The following IMPG1 variants were observed in gnomAD, a reference collection of about 807,000 sequenced individuals.
The protein encoded by IMPG1 is interphotoreceptor matrix proteoglycan of 150 kDa.
In IMPG1, 85 loss-of-function variants were observed where a neutral mutation model predicts 92.0. That is an observed-to-expected ratio of 0.92 (90% CI 0.78 to 1.11). The LOEUF is 1.11. IMPG1 is among the 50% of genes least tolerant of loss of function. The pLI, the probability that IMPG1 is intolerant of heterozygous loss-of-function variation, is 0.00. For synonymous variants in IMPG1, 367 were observed against 334.1 expected (o/e 1.10, Z -1.08); for missense variants, 1,022 against 956.0 (o/e 1.07, Z -0.91).
At chr6:75,941,763 T>C (rs1283092895) in intron 14 of IMPG1, among the ~76,000 whole-genome samples, 3 of 152,276 alleles carry the variant, frequency 2.0e-5, no homozygotes, top group Non-Finnish European at 4.4e-5. Context: ...TCTTGTCCTC[T>C]GGCTACCTAA....
intron 12 of IMPG1, among the ~76,000 whole-genome samples, chr6:75,954,992 A>T (rs1480217758): frequency 6.6e-6 from 1 of 152,162 alleles, no homozygotes; most frequent in Admixed American, 6.5e-5. Flanking sequence ...TGGTACCAGT[A>T]CCATCCTGTT....
intron 14 of IMPG1, among the ~76,000 whole-genome samples, chr6:75,940,196 T>C (rs1004464756): frequency 2.0e-5 from 3 of 152,202 alleles, no homozygotes; most frequent in East Asian, 1.9e-4. Flanking sequence ...ACATTGCCCC[T>C]GGCCATTTTA....
At chr6:76,050,794 T>G (rs1411955388) in intron 1 of IMPG1, among the ~76,000 whole-genome samples, 2 of 152,148 alleles carry the variant, frequency 1.3e-5, no homozygotes, top group Non-Finnish European at 2.9e-5. Flanking sequence ...TAGAGGAAAT[T>G]TTTTTTAGCT....
intron 14 of IMPG1, among the ~76,000 whole-genome samples, chr6:75,942,704 G>A (rs1177886899): frequency 2.0e-5 from 3 of 152,150 alleles, no homozygotes; most frequent in Non-Finnish European, 4.4e-5. Context: ...CCACCAAAAG[G>A]AGAAAATTTG....
intron 14 of IMPG1, among the ~76,000 whole-genome samples, chr6:75,936,592 C>T (rs1781749848): frequency 6.6e-6 from 1 of 152,200 alleles, no homozygotes; most frequent in African/African-American, 2.4e-5. Flanking sequence ...AGTTCTCCAC[C>T]ACTCTCAAGA....
chr6:75,958,393 G>A (rs903058624), intron 12 of IMPG1, among the ~76,000 whole-genome samples: 1 of 152,108 alleles, frequency 6.6e-6, no homozygotes, highest in Non-Finnish European at 1.5e-5. Flanking sequence ...GAGTATCTTT[G>A]TGGTGTTCTC....
chr6:76,022,190 G>A lies in IMPG1; in HGVS notation c.592C>T (p.Pro198Ser). Residue 198 changes from proline to serine, a missense_variant, in exon 6 of 17, where the codon CCT becomes TCT. Pro to Ser is a moderately conservative substitution (Grantham distance 74, BLOSUM62 -1). Around this residue, in one of 3 missense-constraint regions of IMPG1, gnomAD observed 681 missense variants for 583.6 expected, o/e 1.17. Coordinates refer to ENST00000369950, the MANE Select transcript of IMPG1 (RefSeq NM_001563.4). ...AGGAGGGTGTCATCAGGAGTGAGAG[G>A]GAAAGGCCCAAGTGAGACGTTGGCA... ...DVANVSLGPF[P>S]LTPDDTLLNE... The A allele has an allele frequency of 3.8e-6, 6 of 1,594,178 alleles. No homozygotes were observed. Among genetic ancestry groups the A allele is most frequent in the Non-Finnish European group, 5.1e-6 (6 of 1,166,386 alleles).
At chr6:76,019,672 A>C (rs528083968) in intron 6 of IMPG1, among the ~76,000 whole-genome samples, 20 of 152,232 alleles carry the variant, frequency 1.3e-4, no homozygotes, top group Non-Finnish European at 2.4e-4. Context: ...TGTTTAAAAG[A>C]CTTTCATTCA....
chr6:75,993,130 T>C (rs779379759), intron 12 of IMPG1, among the ~76,000 whole-genome samples: 7 of 152,202 alleles, frequency 4.6e-5, no homozygotes, highest in Non-Finnish European at 8.8e-5. Context: ...GAATAGTGAA[T>C]GTGGAAATTC....
At chr6:76,031,295 T>C (rs1783649586) in intron 4 of IMPG1, among the ~76,000 whole-genome samples, 1 of 152,238 alleles carries the variant, frequency 6.6e-6, no homozygotes, top group African/African-American at 2.4e-5. Flanking sequence ...TGGCTCATGA[T>C]GATGGGAAGG....
intron 12 of IMPG1, among the ~76,000 whole-genome samples, chr6:75,999,190 CA>C (rs1782946689): frequency 6.6e-6 from 1 of 151,904 alleles, no homozygotes; most frequent in Non-Finnish European, 1.5e-5. Context: ...ACTGGCTCTA[CA>C]AAAAAGAATG....
At chr6:75,944,409 A>G (rs897859852) in intron 14 of IMPG1, among the ~76,000 whole-genome samples, 1 of 152,224 alleles carries the variant, frequency 6.6e-6, no homozygotes, top group East Asian at 1.9e-4. Flanking sequence ...CATACAGTTC[A>G]TTGATTATTT....
rs572132831 is a variant in IMPG1 at position 75,926,462 on chromosome 6, TACA to T, written c.2244-2759_2244-2757del. 1.9e-3 allele frequency among the ~76,000 whole-genome samples: 282 copies of T among 152,332 alleles called. 2 individuals carry two copies. Among genetic ancestry groups the T allele is most frequent in the African/African-American group, 6.3e-3 (261 of 41,576 alleles). Reference sequence around the variant, plus strand: ...AGTGAACCTGTGACTTTGCTGCGGTTACAACAAGCACTTTGATATGATTAAAAC... The same window carrying T: ...AGTGAACCTGTGACTTTGCTGCGGTTACAAGCACTTTGATATGATTAAAAC... On this transcript the variant is annotated intron_variant, in intron 15 of 16. Transcript: ENST00000369950.
chr6:75,934,170 G>C (rs1360848676), intron 14 of IMPG1, among the ~76,000 whole-genome samples: 1 of 152,146 alleles, frequency 6.6e-6, no homozygotes, highest in African/African-American at 2.4e-5. Context: ...TTGAATAAAG[G>C]TTCCCTTAAC....
intron 4 of IMPG1, among the ~76,000 whole-genome samples, chr6:76,026,468 A>T (rs1189298133): frequency 1.3e-5 from 2 of 151,904 alleles, no homozygotes; most frequent in Non-Finnish European, 2.9e-5. Context: ...TTCCATTCTC[A>T]GGGTCAAAAA....
At chr6:76,048,658 A>C (rs1783985927) in intron 1 of IMPG1, among the ~76,000 whole-genome samples, 1 of 152,156 alleles carries the variant, frequency 6.6e-6, no homozygotes, top group Non-Finnish European at 1.5e-5. Flanking sequence ...AAGCACACAA[A>C]CACGCTATTA....
intron 12 of IMPG1, among the ~76,000 whole-genome samples, chr6:75,972,914 C>G (rs1782446616): frequency 6.6e-6 from 1 of 152,152 alleles, no homozygotes; most frequent in Non-Finnish European, 1.5e-5. Context: ...TTTCACTAAT[C>G]TAATGATCAT....
At chr6:75,991,245 G>T (rs2149473171) in intron 12 of IMPG1, among the ~76,000 whole-genome samples, 1 of 152,218 alleles carries the variant, frequency 6.6e-6, no homozygotes, top group South Asian at 2.1e-4. Flanking sequence ...CAAAAATTTA[G>T]TTGGGCATGG....
intron 1 of IMPG1, among the ~76,000 whole-genome samples, chr6:76,051,359 G>C (rs1481224273): frequency 6.6e-6 from 1 of 152,162 alleles, no homozygotes; most frequent in Admixed American, 6.5e-5. Flanking sequence ...TGAATACCTT[G>C]TTCAGTCTAT....
Sources: allele counts gnomAD v4.1 joint callset (sites outside exome capture counted in the v4.1 genomes callset), GRCh38; gene constraint gnomAD v4.1.1; regional missense constraint gnomAD v4.1.1; transcripts MANE v1.5; gene names NCBI Gene and HGNC (gene_info 2026-07-23, HGNC 2026-07-21).